SPSB1: variants seen among roughly 807,000 people sequenced by gnomAD.
The protein encoded by SPSB1 is SPRY domain-containing SOCS box protein 1.
Under a neutral mutation model 21.2 loss-of-function variants are expected in SPSB1, and 8 were observed. The ratio of observed to expected loss-of-function variants is 0.38; its 90% confidence interval spans 0.22 to 0.68. The LOEUF (loss-of-function observed/expected upper bound fraction) is 0.68, where lower values mean the gene tolerates loss of function less well. Ranked by LOEUF, SPSB1 falls within the 30% of genes least tolerant of loss-of-function variation. SPSB1 has a pLI of 0.53. For synonymous variants in SPSB1, 169 were observed against 161.7 expected, an observed-to-expected ratio of 1.05 and a Z score of -0.34; for missense variants, 242 against 377.8, an observed-to-expected ratio of 0.64 and a Z score of 2.98.
At chr1:9,300,612 C>T (rs1639312171) in intron 1 of SPSB1, among the ~76,000 whole-genome samples, 1 of 152,220 alleles carries the variant, frequency 6.6e-6, no homozygotes, top group South Asian at 2.1e-4. Flanking sequence ...GTTTGACCAT[C>T]AGCCACGAAG....
At chr1:9,318,834 G>A (rs576684496) in intron 1 of SPSB1, among the ~76,000 whole-genome samples, 2 of 152,280 alleles carry the variant, frequency 1.3e-5, no homozygotes, top group East Asian at 1.9e-4. Context: ...ACATGAGCTG[G>A]TGATTGTAAC....
Position 9,346,792 on chromosome 1 carries a change from G to A in SPSB1, c.-149-8951G>A, listed in dbSNP as rs1640172308. ...CCACCTCACCTGGCCTTTGCCACAT[G>A]CAGAGCTGCTGTGCAGCTGCCACCT... On this transcript the variant is annotated intron_variant, in intron 1 of 2. Coordinates refer to ENST00000328089, the MANE Select transcript of SPSB1 (RefSeq NM_025106.4). The surrounding 1 kb of genome is among the most constrained non-coding windows in gnomAD (Gnocchi z 4.4). 6.6e-6 allele frequency among the ~76,000 whole-genome samples: 1 copy of A among 152,230 alleles called. No homozygotes were observed.
At position 9,346,073 on chromosome 1, in the gene SPSB1, G is replaced by A. The variant is rs756729667; in HGVS notation, c.-149-9670G>A. ...GAGGGAGCACAGAACCCCAGTGAGCGGGCAGAGCCCAGGCAGCGGCTGAGC... is the reference window on the plus strand; with the variant it reads ...GAGGGAGCACAGAACCCCAGTGAGCAGGCAGAGCCCAGGCAGCGGCTGAGC... On this transcript the variant is annotated intron_variant, in intron 1 of 2. Transcript: ENST00000328089. This position sits in a 1 kb window ranked among gnomAD's most constrained non-coding sequence, Gnocchi z 4.4. Among the ~76,000 whole-genome samples the A allele has an allele frequency of 8.5e-5, 13 of 152,202 alleles. No individual in the cohort carries two copies. The highest frequency in any genetic ancestry group is 3.2e-3 in the Middle Eastern group (1 of 316).
At chr1:9,319,426 T>G (rs1364053166) in intron 1 of SPSB1, among the ~76,000 whole-genome samples, 1 of 151,794 alleles carries the variant, frequency 6.6e-6, no homozygotes, top group Admixed American at 6.5e-5. Flanking sequence ...CTCCCTCCTC[T>G]TCCTCCTTCT....
In SPSB1 at chr1:9,369,260, C is replaced by T. The variant is rs918627110; in HGVS notation, c.*1685C>T. 4.6e-5 allele frequency: 7 copies of T among 152,116 alleles called. No individual in the cohort carries two copies. Among genetic ancestry groups the T allele is most frequent in the African/African-American group, 1.7e-4 (7 of 41,318 alleles). 9.4% of individuals were successfully genotyped at this position (152,116 alleles called of 1,614,324 possible). A position where few individuals can be genotyped will look rare whatever the true frequency, so the allele number is the denominator to read the frequency against. On this transcript the variant is annotated 3_prime_UTR_variant, in exon 3 of 3. Coordinates refer to ENST00000328089, the MANE Select transcript of SPSB1 (RefSeq NM_025106.4). ...TGTAAGACTTTTAAAGATTTTCCTCCCTCCTGTTTCAGGTGGGTCACATTC... is the reference window on the plus strand; with the variant it reads ...TGTAAGACTTTTAAAGATTTTCCTCTCTCCTGTTTCAGGTGGGTCACATTC...
intron 1 of SPSB1, among the ~76,000 whole-genome samples, chr1:9,295,396 G>C (rs1270439504): frequency 1.3e-5 from 2 of 152,156 alleles, no homozygotes; most frequent in East Asian, 3.9e-4. Context: ...GGAGCAAGGC[G>C]GGTGCCATGC....
chr1:9,356,959 AACAG>A lies in SPSB1; in HGVS notation c.694+376_694+379del, dbSNP rs896101953. Among the ~76,000 whole-genome samples, 22 of 151,684 alleles carry A rather than the reference AACAG, an allele frequency of 1.5e-4. No homozygotes were observed. The highest frequency in any genetic ancestry group is 5.4e-4 in the African/African-American group (22 of 40,986). On this transcript the variant is annotated intron_variant, in intron 2 of 2. Coordinates refer to ENST00000328089, the MANE Select transcript of SPSB1 (RefSeq NM_025106.4). The surrounding 1 kb of genome is among the most constrained non-coding windows in gnomAD (Gnocchi z 7.4). The stretch of plus-strand genomic sequence containing the variant: ...GGATTGATAGATAAGTGGTTGAACA[AACAG>A]ATGGATGGATGTGGGTGGATGGGTG...
chr1:9,361,059 AG>A (rs1301856031), intron 2 of SPSB1, among the ~76,000 whole-genome samples: 3 of 151,292 alleles, frequency 2.0e-5, no homozygotes, highest in South Asian at 4.2e-4. Context: ...CAACTAAAGA[AG>A]GGGGGTGTCC....
chr1:9,304,230 C>T (rs554576505), intron 1 of SPSB1, among the ~76,000 whole-genome samples: 15 of 152,240 alleles, frequency 9.9e-5, no homozygotes, highest in South Asian at 2.1e-4. Flanking sequence ...GTCTTTGGCC[C>T]GGGGCTGAGA....
chr1:9,351,207 A>G (rs538031398), intron 1 of SPSB1, among the ~76,000 whole-genome samples: 25 of 152,250 alleles, frequency 1.6e-4, no homozygotes, highest in Non-Finnish European at 2.8e-4. Context: ...AGTAGTTACT[A>G]TCTGGCCCCT....
intron 1 of SPSB1, among the ~76,000 whole-genome samples, chr1:9,330,707 T>G (rs1026341419): frequency 2.5e-4 from 10 of 40,508 alleles, no homozygotes; most frequent in African/African-American, 6.3e-4. Flanking sequence ...TTCTGAACTT[T>G]TTTTTTTTTA....
At chr1:9,357,213 G>GTGGA (rs1640384698) in intron 2 of SPSB1, among the ~76,000 whole-genome samples, 1 of 137,374 alleles carries the variant, frequency 7.3e-6, no homozygotes, top group Admixed American at 7.4e-5. Context: ...GGATGGATCA[G>GTGGA]TGAATGAATG....
Position 9,356,284 on chromosome 1 carries a change from C to G in SPSB1, c.393C>G (p.Thr131=), listed in dbSNP as rs1287373288. 1 of 1,613,530 alleles carries G rather than the reference C, an allele frequency of 6.2e-7. No individual in the cohort carries two copies. The highest frequency in any genetic ancestry group is 8.5e-7 in the Non-Finnish European group (1 of 1,179,998). Residue 131 remains threonine, a synonymous_variant, in exon 2 of 3, where the codon ACC becomes ACG. Transcript: ENST00000328089. The surrounding 1 kb of genome is among the most constrained non-coding windows in gnomAD (Gnocchi z 7.4). ...DAPLHSVGYT[T]LVGNNHESWG... ...CCCTGCACTCTGTCGGGTACACAAC[C>G]CTCGTGGGGAATAACCACGAGTCCT... is the stretch of plus-strand genomic sequence containing the variant.
chr1:9,322,041 G>T (rs966199889), intron 1 of SPSB1, among the ~76,000 whole-genome samples: 4 of 152,126 alleles, frequency 2.6e-5, no homozygotes, highest in African/African-American at 9.7e-5. Flanking sequence ...ATCACACTGG[G>T]CAGGTGATGT....
chr1:9,325,224 C>CT, intron 1 of SPSB1, among the ~76,000 whole-genome samples: 1 of 140,978 alleles, frequency 7.1e-6, no homozygotes, highest in Admixed American at 7.1e-5. Flanking sequence ...CTCCCACCAC[C>CT]ACCCCCCCCC....
chr1:9,303,005 T>C (rs988765926), intron 1 of SPSB1, among the ~76,000 whole-genome samples: 1 of 152,296 alleles, frequency 6.6e-6, no homozygotes, highest in Non-Finnish European at 1.5e-5. Context: ...CAACAGTGAT[T>C]CCATTGAACG....
At position 9,361,156 on chromosome 1, in the gene SPSB1, C is replaced by CTTTTTTTTTTTTTTTTTTTT. The variant is rs57871457; in HGVS notation, c.694+4579_694+4598dup. Among the ~76,000 whole-genome samples, 36 of 102,576 alleles carry CTTTTTTTTTTTTTTTTTTTT rather than the reference C, an allele frequency of 3.5e-4. 2 individuals carry two copies. Among genetic ancestry groups the CTTTTTTTTTTTTTTTTTTTT allele is most frequent in the African/African-American group, 1.3e-3 (32 of 24,226 alleles). The allele number at this position is 102,576 out of a possible 152,430, so 67.3% of individuals were successfully genotyped here. A position where few individuals can be genotyped will look rare whatever the true frequency, so the allele number is the denominator to read the frequency against. The stretch of plus-strand genomic sequence containing the variant: ...CAGGCATGGCTGGATCTGTCATTTT[C>CTTTTTTTTTTTTTTTTTTTT]TTTTTTTTTTTTTTTTTTTTTTTTT... On this transcript the variant is annotated intron_variant, in intron 2 of 2. Transcript: ENST00000328089.
chr1:9,358,658 TG>T (rs1385232012), intron 2 of SPSB1, among the ~76,000 whole-genome samples: 1 of 152,210 alleles, frequency 6.6e-6, no homozygotes, highest in Non-Finnish European at 1.5e-5. Context: ...GTCCATTCTT[TG>T]CAGACAGACA....
intron 1 of SPSB1, among the ~76,000 whole-genome samples, chr1:9,352,548 A>G (rs1438662018): frequency 6.6e-6 from 1 of 152,088 alleles, no homozygotes; most frequent in African/African-American, 2.4e-5. Context: ...GGCATTTACT[A>G]TCGCGCCCAT....
Sources: gnomAD v4.1 joint callset for allele counts (sites outside exome capture counted in the v4.1 genomes callset) on GRCh38, gnomAD v4.1.1 for gene constraint, Gnocchi (gnomAD v3.1) non-coding constraint, MANE v1.5 for transcripts, NCBI Gene and HGNC (gene_info 2026-07-23, HGNC 2026-07-21) for gene names.